TRPM3: variants seen among roughly 807,000 people sequenced by gnomAD.
The protein encoded by TRPM3 is long transient receptor potential channel 3.
In TRPM3, 77 loss-of-function variants were observed where a neutral mutation model predicts 181.2. The observed-to-expected ratio is 0.42, with a 90% CI of 0.35 to 0.51. The LOEUF is 0.51. TRPM3 is among the 20% of genes least tolerant of loss of function. TRPM3 has a pLI of 0.01. For missense variants in TRPM3, 1,759 were observed against 2,196.7 expected (o/e 0.80, Z 3.98); for synonymous variants, 745 against 796.4 (o/e 0.94, Z 1.09).
chr9:70,575,869 C>T (rs1170246931), intron 22 of TRPM3, among the ~76,000 whole-genome samples: 1 of 152,158 alleles, frequency 6.6e-6, no homozygotes, highest in East Asian at 1.9e-4. Context: ...TCTACCCACA[C>T]CAGGCACTCC....
At chr9:70,601,289 T>A (rs570805480) in intron 20 of TRPM3, among the ~76,000 whole-genome samples, 12 of 152,270 alleles carry the variant, frequency 7.9e-5, no homozygotes, top group Non-Finnish European at 1.5e-4. Flanking sequence ...ATTAAGGGAT[T>A]ACCGGGGCTT....
chr9:70,681,478 C>A (rs766337829), intron 9 of TRPM3, 28 bp downstream of exon 9: 2 of 1,596,154 alleles, frequency 1.3e-6, no homozygotes, highest in Non-Finnish European at 1.7e-6. Context: ...AAATTATTTT[C>A]ACACTCTCTG....
At chr9:71,053,423 AAC>A (rs754804911) in intron 1 of TRPM3, among the ~76,000 whole-genome samples, 4 of 152,052 alleles carry the variant, frequency 2.6e-5, no homozygotes, top group Non-Finnish European at 5.9e-5. Flanking sequence ...TATATTATTA[AAC>A]ACACACAGAG....
chr9:70,622,548 A>C (rs999502286), intron 14 of TRPM3, among the ~76,000 whole-genome samples: 3 of 152,254 alleles, frequency 2.0e-5, no homozygotes, highest in African/African-American at 7.2e-5. Flanking sequence ...AATAGCATGG[A>C]AAGTGTCAGC....
At position 71,093,570 on chromosome 9, in the gene TRPM3, T is replaced by A. The variant is rs2066597725; in HGVS notation, c.177+27608A>T. On this transcript the variant is annotated intron_variant, in intron 1 of 25. Coordinates refer to ENST00000677713, the MANE Select transcript of TRPM3 (RefSeq NM_001366145.2). ...TCACACCAGTTAGAATGGTGATCTT[T>A]AAAAAGTCAGGCAACAATAGATGCT... is the stretch of plus-strand genomic sequence containing the variant. 3.9e-5 allele frequency among the ~76,000 whole-genome samples: 6 copies of A among 152,190 alleles called. No individual in the cohort carries two copies. In the South Asian group the frequency reaches 1.2e-3, roughly 32 times the overall value.
In TRPM3 at chr9:71,018,503, C is replaced by A. The variant is rs143612897; in HGVS notation, c.177+102675G>T. ...AAAATGGTCATCGTCATATAGCCAG[C>A]AGACATTAAAAATAGATTTTATAAT... is the stretch of plus-strand genomic sequence containing the variant. On this transcript the variant is annotated intron_variant, in intron 1 of 25. Transcript: ENST00000677713. Among the ~76,000 whole-genome samples, 271 of 151,716 alleles carry A rather than the reference C, an allele frequency of 1.8e-3. 2 individuals carry two copies. The highest frequency in any genetic ancestry group is 6.4e-3 in the African/African-American group (264 of 41,502).
chr9:70,635,002 G>A (rs1307429955), intron 12 of TRPM3, among the ~76,000 whole-genome samples: 5 of 152,058 alleles, frequency 3.3e-5, no homozygotes, highest in Admixed American at 3.3e-4. Flanking sequence ...AAAGCACGGC[G>A]ATTGGAGATA....
At chr9:70,877,456 T>C (rs762051616) in intron 1 of TRPM3, among the ~76,000 whole-genome samples, 1 of 152,024 alleles carries the variant, frequency 6.6e-6, no homozygotes, top group Admixed American at 6.6e-5. Context: ...AAATTTGATA[T>C]TTCAAATGTA....
chr9:71,044,239 T>A (rs1009419749), intron 1 of TRPM3, among the ~76,000 whole-genome samples: 2 of 152,270 alleles, frequency 1.3e-5, no homozygotes, highest in East Asian at 1.9e-4. Context: ...AGAAATGGCA[T>A]CTCTATGTTC....
At chr9:70,564,652 C>T (rs1331439311) in intron 22 of TRPM3, among the ~76,000 whole-genome samples, 1 of 152,156 alleles carries the variant, frequency 6.6e-6, no homozygotes, top group Non-Finnish European at 1.5e-5. Flanking sequence ...GCTCTCTGTG[C>T]CTGGAAGGAT....
At chr9:70,801,052 C>T (rs532094013) in intron 6 of TRPM3, among the ~76,000 whole-genome samples, 1 of 152,212 alleles carries the variant, frequency 6.6e-6, no homozygotes, top group South Asian at 2.1e-4. Context: ...CTGAGGTGAC[C>T]ACAGAATTTA....
At chr9:71,238,486 C>T (rs978595282) in intron 1 of TRPM3, among the ~76,000 whole-genome samples, 5 of 152,166 alleles carry the variant, frequency 3.3e-5, no homozygotes, top group Non-Finnish European at 4.4e-5. Flanking sequence ...CCTTATCTCT[C>T]AGGTTGCAGT....
At chr9:70,577,768 G>A (rs1230967439) in intron 22 of TRPM3, among the ~76,000 whole-genome samples, 1 of 152,198 alleles carries the variant, frequency 6.6e-6, no homozygotes, top group African/African-American at 2.4e-5. Context: ...CAGTCTTTTA[G>A]TGCATGACCT....
chr9:71,288,846 G>C (rs796343421), intron 1 of TRPM3, among the ~76,000 whole-genome samples: 9 of 152,214 alleles, frequency 5.9e-5, no homozygotes, highest in African/African-American at 2.2e-4. Flanking sequence ...GCTCCCAATG[G>C]TTGAGCTACA....
chr9:71,281,421 T>C (rs2084695336), intron 1 of TRPM3, among the ~76,000 whole-genome samples: 1 of 152,188 alleles, frequency 6.6e-6, no homozygotes, highest in Non-Finnish European at 1.5e-5. Context: ...TCTATTTTAT[T>C]CACATATTTT....
intron 1 of TRPM3, among the ~76,000 whole-genome samples, chr9:71,350,002 T>TATATA (rs2091529433): frequency 1.7e-4 from 1 of 5,762 alleles, no homozygotes; most frequent in African/African-American, 3.5e-4. Context: ...TATATATATA[T>TATATA]GGGCCTAAAA....
chr9:70,840,429 G>C lies in TRPM3; in HGVS notation c.801+2574C>G, dbSNP rs1326716689. On this transcript the variant is annotated intron_variant, in intron 5 of 25. Coordinates refer to ENST00000677713, the MANE Select transcript of TRPM3 (RefSeq NM_001366145.2). ...TGGTCCACCTGGTTCTTTGTGAGCT[G>C]TGGTTTGCCTTTACGAGACCCTCGG... 2.0e-5 allele frequency among the ~76,000 whole-genome samples: 3 copies of C among 152,120 alleles called. No individual in the cohort carries two copies. In the East Asian group the frequency reaches 5.8e-4, roughly 29 times the overall value.
chr9:71,040,604 G>T (rs750852244), intron 1 of TRPM3, among the ~76,000 whole-genome samples: 5 of 152,106 alleles, frequency 3.3e-5, no homozygotes, highest in Non-Finnish European at 5.9e-5. Context: ...AATTGATTCA[G>T]AAATAAACAT....
At chr9:71,094,057 A>T (rs1241714206) in intron 1 of TRPM3, among the ~76,000 whole-genome samples, 1 of 109,310 alleles carries the variant, frequency 9.1e-6, no homozygotes, top group Non-Finnish European at 1.7e-5. Context: ...GGACACAGGG[A>T]GGGGAACATC....
Sources: gnomAD v4.1 joint callset for allele counts (sites outside exome capture counted in the v4.1 genomes callset) on GRCh38, gnomAD v4.1.1 for gene constraint, MANE v1.5 for transcripts, NCBI Gene and HGNC (gene_info 2026-07-23, HGNC 2026-07-21) for gene names.